The following LZTS1 variants were observed in gnomAD, a reference collection of about 807,000 sequenced individuals.
LZTS1 encodes the protein leucine zipper tumor suppressor 1.
LZTS1 carries 31 observed loss-of-function variants against 45.8 expected under a neutral mutation model. The observed-to-expected ratio is 0.68, with a 90% confidence interval of 0.51 to 0.91. LZTS1 has a LOEUF of 0.91. LZTS1 is among the 40% of genes least tolerant of loss of function. The pLI, the probability that LZTS1 is intolerant of heterozygous loss-of-function variation, is 0.00. For synonymous variants in LZTS1, 359 were observed against 357.3 expected (o/e 1.00, Z -0.05); for missense variants, 821 against 788.9 (o/e 1.04, Z -0.49).
intron 1 of LZTS1, among the ~76,000 whole-genome samples, chr8:20,284,876 ACCCATGCT>A (rs1233991165): frequency 2.6e-5 from 4 of 152,064 alleles, no homozygotes; most frequent in African/African-American, 9.7e-5. Context: ...TCTCATCAAG[ACCCATGCT>A]CCCATCCGAT....
chr8:20,263,582 C>A (rs1263577871), intron 1 of LZTS1, among the ~76,000 whole-genome samples: 1 of 152,198 alleles, frequency 6.6e-6, no homozygotes, highest in African/African-American at 2.4e-5. Flanking sequence ...CCCTGCTTCC[C>A]TTCAGGAGCT....
chr8:20,261,725 T>C (rs1247654630), intron 1 of LZTS1, among the ~76,000 whole-genome samples: 2 of 152,256 alleles, frequency 1.3e-5, no homozygotes, highest in African/African-American at 4.8e-5. Flanking sequence ...ACCAACAGTC[T>C]GGCTTCCCAT....
intron 1 of LZTS1, among the ~76,000 whole-genome samples, chr8:20,277,372 A>G (rs990771744): frequency 6.6e-6 from 1 of 152,116 alleles, no homozygotes; most frequent in Non-Finnish European, 1.5e-5. Context: ...CCCTTTTTTT[A>G]GCATATAATC....
chr8:20,282,210 C>A (rs1485681785), intron 1 of LZTS1, among the ~76,000 whole-genome samples: 8 of 152,184 alleles, frequency 5.3e-5, no homozygotes, highest in Non-Finnish European at 1.0e-4. Flanking sequence ...TGTGCACACA[C>A]CATAATGACT....
chr8:20,293,410 C>T (rs1472857107), intron 1 of LZTS1, among the ~76,000 whole-genome samples: 1 of 152,218 alleles, frequency 6.6e-6, no homozygotes, highest in African/African-American at 2.4e-5. Flanking sequence ...CTTCGTCTGC[C>T]TGGAAATCAC....
At chr8:20,275,102 G>A (rs114791132) in intron 1 of LZTS1, among the ~76,000 whole-genome samples, 8,545 of 152,106 alleles carry the variant, frequency 0.056, 822 homozygotes, top group African/African-American at 0.19. Flanking sequence ...CTCATTAACT[G>A]GGGACAGAAA....
intron 1 of LZTS1, chr8:20,290,022 G>C (rs931896763): frequency 6.6e-6 from 1 of 152,152 alleles, no homozygotes; most frequent in Non-Finnish European, 1.5e-5. Flanking sequence ...AGCACTCCTG[G>C]TCCTAGAACC....
chr8:20,292,381 C>T (rs1163765914), intron 1 of LZTS1, among the ~76,000 whole-genome samples: 1 of 152,246 alleles, frequency 6.6e-6, no homozygotes, highest in East Asian at 1.9e-4. Context: ...CACCCAGCAA[C>T]CCTTCCATTT....
At chr8:20,257,126 G>C (rs1476803716) in intron 1 of LZTS1, among the ~76,000 whole-genome samples, 1 of 152,190 alleles carries the variant, frequency 6.6e-6, no homozygotes, top group Non-Finnish European at 1.5e-5. Context: ...AAGGTGGGCA[G>C]ATCACTTGAG....
rs771911687 is a variant in LZTS1, at chr8:20,255,029, A to G, written c.153T>C (p.Gly51=). ...LLRFGFSQDS[G]HGKSSSKMGK... ...CCATTTTGGAGCTGGACTTGCCGTGACCGGAGTCCTGGGAGAAGCCAAACC... is the reference window on the plus strand; with the variant it reads ...CCATTTTGGAGCTGGACTTGCCGTGGCCGGAGTCCTGGGAGAAGCCAAACC... Residue 51 remains glycine, a synonymous_variant, in exon 2 of 4, where the codon GGT becomes GGC. Transcript: ENST00000381569. 1 of 1,614,186 alleles carries G rather than the reference A, an allele frequency of 6.2e-7. No individual in the cohort carries two copies. Among genetic ancestry groups the G allele is most frequent in the East Asian group, 2.2e-5 (1 of 44,872 alleles).
At position 20,255,015 on chromosome 8, in the gene LZTS1, C is replaced by T. The variant is rs1169589681; in HGVS notation, c.167G>A (p.Ser56Asn). ...GTCTTCGCTCTTGCCCATTTTGGAG[C>T]TGGACTTGCCGTGACCGGAGTCCTG... Reference protein sequence around the residue: ...FSQDSGHGKSSSKMGKSEDFF... With the variant: ...FSQDSGHGKSNSKMGKSEDFF... The change falls in exon 2 of 4, where the codon AGC becomes AAC. Residue 56 changes from serine to asparagine, a missense_variant. Coordinates refer to ENST00000381569, the MANE Select transcript of LZTS1 (RefSeq NM_021020.5). 3.7e-6 allele frequency: 6 copies of T among 1,614,244 alleles called. No individual in the cohort carries two copies. Among genetic ancestry groups the T allele is most frequent in the Non-Finnish European group, 5.1e-6 (6 of 1,180,052 alleles).
At chr8:20,285,478 G>A (rs915237886) in intron 1 of LZTS1, among the ~76,000 whole-genome samples, 1 of 152,298 alleles carries the variant, frequency 6.6e-6, no homozygotes, top group East Asian at 1.9e-4. Context: ...TGAAAAACAT[G>A]TAATTTACAA....
chr8:20,288,274 G>A (rs990442792), intron 1 of LZTS1, among the ~76,000 whole-genome samples: 10 of 152,182 alleles, frequency 6.6e-5, no homozygotes, highest in African/African-American at 2.4e-4. Flanking sequence ...AGGAGCCTCT[G>A]CAAAGGCTGA....
At position 20,288,236 on chromosome 8, in the gene LZTS1, G is replaced by T. The variant is rs143016624; in HGVS notation, c.-135+15504C>A. 6.4e-3 allele frequency among the ~76,000 whole-genome samples: 977 copies of T among 152,186 alleles called. 16 individuals carry two copies. The highest frequency in any genetic ancestry group is 0.022 in the African/African-American group (922 of 41,508). ...TGGGGGATTCTGAAATCACCGCCTC[G>T]CTGCAGAATCAAGACCTGGATGTTG... On this transcript the variant is annotated intron_variant, in intron 1 of 3. Coordinates refer to ENST00000381569, the MANE Select transcript of LZTS1 (RefSeq NM_021020.5).
intron 1 of LZTS1, among the ~76,000 whole-genome samples, chr8:20,299,863 A>C (rs1224581443): frequency 6.6e-6 from 1 of 152,232 alleles, no homozygotes; most frequent in Non-Finnish European, 1.5e-5. Context: ...GCAAACTCAA[A>C]GAGCTAATAT....
intron 1 of LZTS1, among the ~76,000 whole-genome samples, chr8:20,270,455 T>C (rs1288236612): frequency 6.6e-6 from 1 of 152,166 alleles, no homozygotes; most frequent in Non-Finnish European, 1.5e-5. Flanking sequence ...AGGTGATAAG[T>C]GCTGTCTTTC....
intron 1 of LZTS1, among the ~76,000 whole-genome samples, chr8:20,273,447 C>G (rs981077559): frequency 2.0e-5 from 3 of 152,146 alleles, no homozygotes; most frequent in African/African-American, 7.2e-5. Flanking sequence ...CTCGGAGGGG[C>G]CACATCTCAC....
At chr8:20,259,253 G>A (rs1363852262) in intron 1 of LZTS1, among the ~76,000 whole-genome samples, 3 of 152,094 alleles carry the variant, frequency 2.0e-5, no homozygotes, top group Non-Finnish European at 4.4e-5. Context: ...ATATTAAATA[G>A]GAACATTAGG....
intron 1 of LZTS1, among the ~76,000 whole-genome samples, chr8:20,259,825 G>A (rs1563866158): frequency 1.3e-5 from 2 of 151,684 alleles, no homozygotes; most frequent in Non-Finnish European, 1.5e-5. Context: ...ATCCCTCCCC[G>A]ATTACTTTCT....
Sources: gnomAD v4.1 joint callset for allele counts (sites outside exome capture counted in the v4.1 genomes callset) on GRCh38, gnomAD v4.1.1 for gene constraint, MANE v1.5 for transcripts, NCBI Gene and HGNC (gene_info 2026-07-23, HGNC 2026-07-21) for gene names.